TANGO6: variants seen among roughly 807,000 people sequenced by gnomAD.
The protein encoded by TANGO6 is transport and Golgi organization protein 6 homolog.
TANGO6 carries 90 observed loss-of-function variants against 114.2 expected under a neutral mutation model. The ratio of observed to expected loss-of-function variants is 0.79; its 90% CI spans 0.66 to 0.94. TANGO6 has a LOEUF of 0.94. TANGO6 is among the 40% of genes least tolerant of loss of function. TANGO6 has a pLI of 0.00. For synonymous variants in TANGO6, 477 were observed against 509.8 expected (o/e 0.94, Z 0.87); for missense variants, 1,274 against 1,315.3 (o/e 0.97, Z 0.49).
chr16:69,060,168 CT>C (rs1026832305), intron 17 of TANGO6, among the ~76,000 whole-genome samples: 1 of 151,790 alleles, frequency 6.6e-6, no homozygotes, highest in Non-Finnish European at 1.5e-5. Context: ...TATGAAAAGG[CT>C]TTTTTTTCTT....
chr16:69,077,679 A>C (rs1212384460), intron 17 of TANGO6, among the ~76,000 whole-genome samples: 1 of 152,000 alleles, frequency 6.6e-6, no homozygotes, highest in Admixed American at 6.6e-5. Flanking sequence ...AAATACAAAA[A>C]TTAGCCGGGC....
intron 3 of TANGO6, among the ~76,000 whole-genome samples, chr16:68,866,587 C>T (rs1342311280): frequency 6.8e-6 from 1 of 147,976 alleles, no homozygotes; most frequent in East Asian, 2.0e-4. Flanking sequence ...TGCGCCACTG[C>T]AGTCCGCAGT....
Position 68,875,400 on chromosome 16 carries a change from T to A in TANGO6, c.1131+110T>A, listed in dbSNP as rs1004135886. The stretch of plus-strand genomic sequence containing the variant: ...GATAAAAGCAGTATAATATTTAAGT[T>A]TATTGTTTAGTGAGGAGCCTTCTTA... On this transcript the variant is annotated intron_variant, in intron 5 of 17. Coordinates refer to ENST00000261778, the MANE Select transcript of TANGO6 (RefSeq NM_024562.2). 9.9e-6 allele frequency: 13 copies of A among 1,319,622 alleles called. No homozygotes were observed. In the Admixed American group the frequency reaches 3.5e-4, roughly 35 times the overall value. The allele number at this position is 1,319,622 out of a possible 1,614,324, so 81.7% of individuals were successfully genotyped here. A position where few individuals can be genotyped will look rare whatever the true frequency, so the allele number is the denominator to read the frequency against.
chr16:68,893,757 CAAAAAAA>C (rs796651419), intron 7 of TANGO6, among the ~76,000 whole-genome samples: 1 of 84,192 alleles, frequency 1.2e-5, no homozygotes, highest in Non-Finnish European at 2.6e-5. Flanking sequence ...AGAAAACAAC[CAAAAAAA>C]AAAAAAAAAA....
intron 14 of TANGO6, among the ~76,000 whole-genome samples, chr16:68,946,065 T>G (rs1963411228): frequency 6.6e-6 from 1 of 152,166 alleles, no homozygotes; most frequent in South Asian, 2.1e-4. Flanking sequence ...GAAAAGTCCT[T>G]TATCAGATGC....
intron 15 of TANGO6, among the ~76,000 whole-genome samples, chr16:68,975,919 G>A (rs1317826085): frequency 6.6e-6 from 1 of 151,800 alleles, no homozygotes; most frequent in African/African-American, 2.4e-5. Context: ...ATGATATTAT[G>A]GGTTTGGTTT....
rs199640200 is a variant in TANGO6, at chr16:68,927,980, A to G, written c.2540A>G (p.Tyr847Cys). The change falls in exon 13 of 18, where the codon TAT becomes TGT. Residue 847 changes from tyrosine (Y) to cysteine (C), a missense_variant. Tyr to Cys is a radical substitution (Grantham distance 194). Transcript: ENST00000261778. Reference protein sequence around the residue: ...EQLQEVLLSAYDPQIPTRAAA... With the variant: ...EQLQEVLLSACDPQIPTRAAA... ...CTCCAAGAGGTTCTTTTGTCAGCTT[A>G]TGACCCTCAAATTCCAACACGGGCT... 2.1e-5 allele frequency: 34 copies of G among 1,613,388 alleles called. No individual in the cohort carries two copies. The Admixed American group carries it at 4.2e-4, about 20-fold the overall frequency.
At chr16:68,873,726 G>C (rs1309686682) in intron 4 of TANGO6, among the ~76,000 whole-genome samples, 1 of 152,160 alleles carries the variant, frequency 6.6e-6, no homozygotes, top group Non-Finnish European at 1.5e-5. Context: ...TTGACTGGAT[G>C]CTGAACATTT....
At chr16:69,004,246 A>G (rs896102412) in intron 15 of TANGO6, among the ~76,000 whole-genome samples, 1 of 152,352 alleles carries the variant, frequency 6.6e-6, no homozygotes, top group South Asian at 2.1e-4. Context: ...CTAGACATGT[A>G]TGCACACACA....
At chr16:69,037,122 T>G (rs1597067215) in intron 16 of TANGO6, among the ~76,000 whole-genome samples, 2 of 123,224 alleles carry the variant, frequency 1.6e-5, no homozygotes. Context: ...GGCAACAGAG[T>G]GAGAGTCCAT....
intron 12 of TANGO6, among the ~76,000 whole-genome samples, chr16:68,922,640 G>A (rs1286809640): frequency 6.6e-6 from 1 of 151,908 alleles, no homozygotes; most frequent in Non-Finnish European, 1.5e-5. Context: ...ACCACTAAAA[G>A]TATTATACAT....
At chr16:69,017,258 G>A (rs755764812) in intron 15 of TANGO6, among the ~76,000 whole-genome samples, 6 of 152,098 alleles carry the variant, frequency 3.9e-5, no homozygotes, top group Non-Finnish European at 7.4e-5. Context: ...TTCCCCATTA[G>A]GTTTTGCCAT....
intron 3 of TANGO6, 139 bp from the exon 4 acceptor site, chr16:68,866,937 AAAT>A: frequency 2.4e-6 from 2 of 843,578 alleles, no homozygotes; most frequent in Non-Finnish European, 1.7e-6. Flanking sequence ...CTCCATCTCT[AAAT>A]AAATAAATAA....
rs538969421 is a variant in TANGO6, at chr16:69,061,328, G to A, written c.3108+20907G>A. ...GCCTGTAATCCCAGCACTTTGGGAG[G>A]GCGAGGCAGGTGGATCACCTGAGGG... On this transcript the variant is annotated intron_variant, in intron 17 of 17. Coordinates refer to ENST00000261778, the MANE Select transcript of TANGO6 (RefSeq NM_024562.2). 6.6e-5 allele frequency among the ~76,000 whole-genome samples: 10 copies of A among 152,228 alleles called. No individual in the cohort carries two copies. The East Asian group carries it at 1.9e-3, about 30-fold the overall frequency.
chr16:69,065,531 T>C (rs1405454153), intron 17 of TANGO6, among the ~76,000 whole-genome samples: 3 of 152,132 alleles, frequency 2.0e-5, no homozygotes, highest in Non-Finnish European at 2.9e-5. Flanking sequence ...CCATCTCCAA[T>C]TTGCACTTTA....
At chr16:68,895,878 G>T (rs568976601) in intron 7 of TANGO6, among the ~76,000 whole-genome samples, 1 of 152,174 alleles carries the variant, frequency 6.6e-6, no homozygotes, top group East Asian at 1.9e-4. Flanking sequence ...ATTGTACATA[G>T]TTATGTGAAA....
intron 15 of TANGO6, among the ~76,000 whole-genome samples, chr16:68,976,139 G>A (rs1027815298): frequency 6.6e-6 from 1 of 152,030 alleles, no homozygotes; most frequent in Admixed American, 6.6e-5. Context: ...TTACCATGTT[G>A]CCCAGCCTGG....
At chr16:68,864,334 CA>C (rs1307570218) in intron 3 of TANGO6, among the ~76,000 whole-genome samples, 1 of 151,916 alleles carries the variant, frequency 6.6e-6, no homozygotes, top group African/African-American at 2.4e-5. Context: ...AGCACTTTGG[CA>C]GGCTGAGGCA....
intron 12 of TANGO6, among the ~76,000 whole-genome samples, chr16:68,923,959 G>C (rs1331815040): frequency 1.3e-5 from 2 of 152,100 alleles, no homozygotes; most frequent in Non-Finnish European, 2.9e-5. Flanking sequence ...GTGTTATCAG[G>C]GGCAAAGGAG....
Sources: gnomAD v4.1 joint callset for allele counts (sites outside exome capture counted in the v4.1 genomes callset) on GRCh38, gnomAD v4.1.1 for gene constraint, MANE v1.5 for transcripts, NCBI Gene and HGNC (gene_info 2026-07-23, HGNC 2026-07-21) for gene names.